PARD3B: variants seen among roughly 807,000 people sequenced by gnomAD.
PARD3B encodes the protein partitioning defective 3 homolog B.
A neutral mutation model predicts 130.2 loss-of-function variants in PARD3B; 103 were observed. The observed-to-expected ratio is 0.79, with a 90% CI of 0.67 to 0.93. PARD3B has a LOEUF of 0.93. Ranked by LOEUF, PARD3B falls within the 40% of genes least tolerant of loss-of-function variation. PARD3B has a pLI of 0.00. For missense variants in PARD3B, 1,609 were observed against 1,499.2 expected (o/e 1.07, Z -1.21); for synonymous variants, 583 against 553.2 (o/e 1.05, Z -0.76).
chr2:204,577,243 C>A (rs1477171151), intron 1 of PARD3B, among the ~76,000 whole-genome samples: 2 of 152,152 alleles, frequency 1.3e-5, no homozygotes, highest in Admixed American at 1.3e-4. Context: ...GATAGGAATA[C>A]CTAGTGTTTA....
intron 4 of PARD3B, among the ~76,000 whole-genome samples, chr2:205,083,414 G>C (rs1701553168): frequency 6.6e-6 from 1 of 151,080 alleles, no homozygotes; most frequent in Non-Finnish European, 1.5e-5. Context: ...TGGTATGAAA[G>C]GATGAACAAT....
In PARD3B at chr2:204,732,468, A is replaced by G. The variant is rs115150261; in HGVS notation, c.222+46186A>G. 2.3e-3 allele frequency among the ~76,000 whole-genome samples: 347 copies of G among 152,082 alleles called. 1 individual carries two copies. Among genetic ancestry groups the G allele is most frequent in the African/African-American group, 8.1e-3 (335 of 41,534 alleles). ...TTACTTTGCTCATTAGTTTAAGATT[A>G]CAGTGTTAATTATTCACAAGAGAAG... On this transcript the variant is annotated intron_variant, in intron 2 of 22. Coordinates refer to ENST00000406610, the MANE Select transcript of PARD3B (RefSeq NM_001302769.2).
At chr2:204,642,706 G>A (rs1013688539) in intron 1 of PARD3B, among the ~76,000 whole-genome samples, 3 of 151,966 alleles carry the variant, frequency 2.0e-5, no homozygotes, top group African/African-American at 7.3e-5. Context: ...GTTTCATGTC[G>A]AATTGTAATT....
chr2:204,773,127 A>G (rs564821706), intron 2 of PARD3B, among the ~76,000 whole-genome samples: 1 of 152,130 alleles, frequency 6.6e-6, no homozygotes, highest in South Asian at 2.1e-4. Context: ...CAAACTGGTA[A>G]AAGATAATTT....
intron 2 of PARD3B, among the ~76,000 whole-genome samples, chr2:204,813,895 G>T (rs1276545013): frequency 8.6e-5 from 13 of 152,024 alleles, no homozygotes; most frequent in Admixed American, 8.5e-4. Context: ...GTTTTGAAAT[G>T]AAGTCATATT....
At chr2:204,811,370 T>C (rs866153553) in intron 2 of PARD3B, among the ~76,000 whole-genome samples, 3 of 152,246 alleles carry the variant, frequency 2.0e-5, no homozygotes, top group African/African-American at 7.2e-5. Context: ...GTATATACTT[T>C]ATCAAACTCT....
chr2:204,909,663 T>C (rs12998778), intron 2 of PARD3B, among the ~76,000 whole-genome samples: 33,477 of 152,054 alleles, frequency 0.22, 4,201 homozygotes, highest in Non-Finnish European at 0.29. Flanking sequence ...TAAGCTTATA[T>C]AATCAGTTGT....
At chr2:204,650,648 C>A (rs1209741687) in intron 1 of PARD3B, among the ~76,000 whole-genome samples, 1 of 152,146 alleles carries the variant, frequency 6.6e-6, no homozygotes, top group East Asian at 1.9e-4. Context: ...AACACAGGAA[C>A]AGAAAACCAA....
At chr2:205,334,588 G>T (rs1296691869) in intron 18 of PARD3B, among the ~76,000 whole-genome samples, 1 of 152,168 alleles carries the variant, frequency 6.6e-6, no homozygotes, top group East Asian at 1.9e-4. Context: ...CCAAGATAGA[G>T]CCCAGACAGT....
rs573470239 is a variant in PARD3B at position 204,561,897 on chromosome 2, A to G, written c.120+15778A>G. 1.4e-4 allele frequency among the ~76,000 whole-genome samples: 22 copies of G among 152,054 alleles called. No homozygotes were observed. The East Asian group carries it at 3.9e-3, about 27-fold the overall frequency. On this transcript the variant is annotated intron_variant, in intron 1 of 22. Coordinates refer to ENST00000406610, the MANE Select transcript of PARD3B (RefSeq NM_001302769.2). ...CAGGCGTGAGTCACCGCGCCCGGCC[A>G]TCTCCCCTGTATTAAGGTCACTCCT... is the stretch of plus-strand genomic sequence containing the variant.
rs1297171304 is a variant in PARD3B, at chr2:204,669,490, A to G, written c.121-16691A>G. On this transcript the variant is annotated intron_variant, in intron 1 of 22. Transcript: ENST00000406610. The surrounding 1 kb of genome is among the most constrained non-coding windows in gnomAD (Gnocchi z 4.3). The stretch of plus-strand genomic sequence containing the variant: ...ATAACTTGCATAACAGTAACCCAAC[A>G]TGCTTTTGAGCTGTAAAAAGGAGAA... Among the ~76,000 whole-genome samples, 1 of 152,160 alleles carries G rather than the reference A, an allele frequency of 6.6e-6. No individual in the cohort carries two copies. The highest frequency in any genetic ancestry group is 2.4e-5 in the African/African-American group (1 of 41,454).
Position 205,189,641 on chromosome 2 carries a change from T to C in PARD3B, c.2025-3564T>C, listed in dbSNP as rs145081429. Among the ~76,000 whole-genome samples, 790 of 152,268 alleles carry C rather than the reference T, an allele frequency of 5.2e-3. 1 individual carries two copies. The highest frequency in any genetic ancestry group is 9.1e-3 in the Non-Finnish European group (621 of 68,018). Reference sequence around the variant, plus strand: ...TGTGTCACCCTCTTAATGCAAACACTCGAGATATGTAGCGTAAAGTTACAA... The same window carrying C: ...TGTGTCACCCTCTTAATGCAAACACCCGAGATATGTAGCGTAAAGTTACAA... On this transcript the variant is annotated intron_variant, in intron 14 of 22. Transcript: ENST00000406610.
Position 205,487,111 on chromosome 2 carries a change from G to A in PARD3B, c.3045-12785G>A, listed in dbSNP as rs112065779. On this transcript the variant is annotated intron_variant, in intron 20 of 22. Coordinates refer to ENST00000406610, the MANE Select transcript of PARD3B (RefSeq NM_001302769.2). ...ATGGTCACTTACCTATGTGACCCAA[G>A]CATCCCTTCTGGGCATTTGGAGAAT... 8.5e-4 allele frequency among the ~76,000 whole-genome samples: 129 copies of A among 152,254 alleles called. No homozygotes were observed. In the South Asian group the frequency reaches 9.1e-3, roughly 11 times the overall value.
At chr2:204,954,331 G>A (rs1158706694) in intron 2 of PARD3B, among the ~76,000 whole-genome samples, 2 of 152,126 alleles carry the variant, frequency 1.3e-5, no homozygotes, top group Admixed American at 6.6e-5. Flanking sequence ...TTTAAGAGAA[G>A]TGCTTCCTCA....
Position 205,118,975 on chromosome 2 carries a change from G to C in PARD3B, c.735G>C (p.Glu245Asp), listed in dbSNP as rs1235516290. The change falls in exon 7 of 23, where the codon GAG (glutamate) becomes GAC (aspartate). Residue 245 changes from glutamate (E) to aspartate (D), a missense_variant. By Grantham distance (45) the Glu-to-Asp change is conservative. Coordinates refer to ENST00000406610, the MANE Select transcript of PARD3B (RefSeq NM_001302769.2). ...AAGACAACAGCAGGTCCAAGCGGGA[G>C]GGACTATTTCACGAAAATGAATGTA... ...GIEDNSRSKR[E>D]GLFHENECIV... 6.2e-7 allele frequency: 1 copy of C among 1,612,414 alleles called. No homozygotes were observed. Among genetic ancestry groups the C allele is most frequent in the Admixed American group, 1.7e-5 (1 of 59,738 alleles).
intron 2 of PARD3B, among the ~76,000 whole-genome samples, chr2:204,825,724 C>T (rs1410037721): frequency 6.6e-6 from 1 of 152,134 alleles, no homozygotes; most frequent in Non-Finnish European, 1.5e-5. Flanking sequence ...AGTAATTATC[C>T]ACTGAAGTTA....
intron 22 of PARD3B, among the ~76,000 whole-genome samples, chr2:205,612,026 A>G (rs2055249244): frequency 1.3e-5 from 2 of 152,172 alleles, no homozygotes; most frequent in Admixed American, 6.5e-5. Flanking sequence ...GGGCTTTCCT[A>G]CAAACACTAA....
intron 1 of PARD3B, among the ~76,000 whole-genome samples, chr2:204,666,369 A>G (rs978516673): frequency 3.3e-5 from 5 of 152,148 alleles, no homozygotes; most frequent in Non-Finnish European, 7.3e-5. Context: ...TAAACTAGAG[A>G]GGGAAAAATA....
chr2:204,639,674 G>A (rs1001124033), intron 1 of PARD3B, among the ~76,000 whole-genome samples: 15 of 152,132 alleles, frequency 9.9e-5, no homozygotes, highest in East Asian at 1.9e-4. Context: ...TGTAAATACC[G>A]TGTCACTTTT....
Sources: gnomAD v4.1 joint callset for allele counts (sites outside exome capture counted in the v4.1 genomes callset) on GRCh38, gnomAD v4.1.1 for gene constraint, Gnocchi (gnomAD v3.1) non-coding constraint, MANE v1.5 for transcripts, NCBI Gene and HGNC (gene_info 2026-07-23, HGNC 2026-07-21) for gene names.